Variants in PTPN12 observed in about 807,000 individuals in gnomAD.
PTPN12 encodes protein tyrosine phosphatase non-receptor type 12.
Under a neutral mutation model 97.6 loss-of-function variants are expected in PTPN12, and 29 were observed. The observed-to-expected ratio is 0.30, with a 90% CI of 0.22 to 0.41. The LOEUF (loss-of-function observed/expected upper bound fraction) is 0.41, where lower values mean the gene tolerates loss of function less well. Among genes scored for constraint, PTPN12 ranks in the 10% least tolerant of loss-of-function variants. The pLI, the probability that PTPN12 is intolerant of heterozygous loss-of-function variation, is 1.00. For missense variants in PTPN12, 819 were observed against 926.0 expected (o/e 0.88, Z 1.50); for synonymous variants, 327 against 300.4 (o/e 1.09, Z -0.91).
At chr7:77,558,116 C>CA (rs1306914681) in intron 1 of PTPN12, among the ~76,000 whole-genome samples, 1 of 148,318 alleles carries the variant, frequency 6.7e-6, no homozygotes, top group Non-Finnish European at 1.5e-5. Context: ...GAGGCTGAGG[C>CA]AGGAGAATCG....
chr7:77,598,511 A>G (rs1181485902), intron 7 of PTPN12, among the ~76,000 whole-genome samples: 2 of 152,032 alleles, frequency 1.3e-5, no homozygotes, highest in African/African-American at 2.4e-5. Context: ...GCGAAGCCCC[A>G]TCTCTACTAA....
intron 1 of PTPN12, among the ~76,000 whole-genome samples, chr7:77,557,029 C>T (rs1807750778): frequency 6.6e-6 from 1 of 151,956 alleles, no homozygotes; most frequent in Non-Finnish European, 1.5e-5. Flanking sequence ...TGCAACGGCA[C>T]AGCCTTGGCA....
chr7:77,613,325 C>A (rs1442068130), intron 11 of PTPN12, among the ~76,000 whole-genome samples: 1 of 150,536 alleles, frequency 6.6e-6, no homozygotes, highest in Non-Finnish European at 1.5e-5. Context: ...CAGGCGCCCA[C>A]CACCATGCTC....
intron 14 of PTPN12, among the ~76,000 whole-genome samples, chr7:77,635,329 TGA>T (rs1294527469): frequency 1.3e-5 from 2 of 152,098 alleles, no homozygotes; most frequent in Non-Finnish European, 2.9e-5. Context: ...CTCAAGAAGC[TGA>T]GATGGGAAGA....
At chr7:77,548,296 T>G (rs2151298398) in intron 1 of PTPN12, among the ~76,000 whole-genome samples, 2 of 152,340 alleles carry the variant, frequency 1.3e-5, no homozygotes, top group South Asian at 4.1e-4. Flanking sequence ...CTCAGCGAAT[T>G]GAGTTTTCCA....
intron 6 of PTPN12, among the ~76,000 whole-genome samples, chr7:77,595,163 C>T (rs1490797173): frequency 1.3e-5 from 2 of 152,070 alleles, no homozygotes; most frequent in East Asian, 1.9e-4. Context: ...AATTTGTCAG[C>T]GTCAGGATTG....
At chr7:77,625,806 T>C (rs1562759358) in intron 12 of PTPN12, among the ~76,000 whole-genome samples, 1 of 151,654 alleles carries the variant, frequency 6.6e-6, no homozygotes, top group Non-Finnish European at 1.5e-5. Flanking sequence ...CTGAGCTCAA[T>C]TGATCCACCC....
chr7:77,594,961 A>G (rs1787978847), intron 6 of PTPN12, among the ~76,000 whole-genome samples: 1 of 152,238 alleles, frequency 6.6e-6, no homozygotes, highest in South Asian at 2.1e-4. Flanking sequence ...GCAGAATGCA[A>G]TAGTTTATAA....
At chr7:77,565,774 A>G (rs980809676) in intron 1 of PTPN12, among the ~76,000 whole-genome samples, 2 of 152,260 alleles carry the variant, frequency 1.3e-5, no homozygotes, top group Non-Finnish European at 2.9e-5. Context: ...CAAAGTGAAT[A>G]TTAAACTCGA....
intron 1 of PTPN12, chr7:77,538,183 G>T (rs1806757610): frequency 2.5e-6 from 2 of 811,002 alleles, no homozygotes; most frequent in South Asian, 1.1e-4. Context: ...CCGTTTCTGG[G>T]GTCGCAGTCA....
Position 77,639,559 on chromosome 7 carries a change from A to G in PTPN12, c.*279A>G, listed in dbSNP as rs1789725609. ...TAATATAGTAATACCTTTATGATAT[A>G]TTGAGTTTAAGGACTACTCTTTTTC... On this transcript the variant is annotated 3_prime_UTR_variant, in exon 18 of 18. Coordinates refer to ENST00000248594, the MANE Select transcript of PTPN12 (RefSeq NM_002835.4). 3.0e-6 allele frequency: 1 copy of G among 330,846 alleles called. No individual in the cohort carries two copies. The highest frequency in any genetic ancestry group is 2.1e-5 in the African/African-American group (1 of 47,378). 20.5% of individuals were successfully genotyped at this position (330,846 alleles called of 1,614,324 possible).
Position 77,564,746 on chromosome 7 carries a change from GTTTTTTTTTTTTTTTTT to G in PTPN12, c.100-6318_100-6302del, listed in dbSNP as rs764476553. ...TTTTGTTGTTGTTTTTTGTTGTCGT[GTTTTTTTTTTTTTTTTT>G]TTTTTTTTTTTTTGAGACGGAATCT... is the stretch of plus-strand genomic sequence containing the variant. On this transcript the variant is annotated intron_variant, in intron 1 of 17. Coordinates refer to ENST00000248594, the MANE Select transcript of PTPN12 (RefSeq NM_002835.4). Among the ~76,000 whole-genome samples the G allele has an allele frequency of 1.3e-4, 6 of 45,370 alleles. No homozygotes were observed. In the East Asian group the frequency reaches 2.4e-3, roughly 18 times the overall value. The allele number at this position is 45,370 out of a possible 152,430, so 29.8% of individuals were successfully genotyped here.
At chr7:77,548,445 G>T (rs1341038208) in intron 1 of PTPN12, among the ~76,000 whole-genome samples, 1 of 152,156 alleles carries the variant, frequency 6.6e-6, no homozygotes, top group East Asian at 1.9e-4. Flanking sequence ...GTGTATGTTG[G>T]TTTTACTCCT....
chr7:77,613,750 AT>A (rs900555121), intron 11 of PTPN12, among the ~76,000 whole-genome samples: 2 of 151,358 alleles, frequency 1.3e-5, no homozygotes, highest in African/African-American at 4.9e-5. Context: ...TGCCGAGTTT[AT>A]TTTTTTTATA....
intron 9 of PTPN12, among the ~76,000 whole-genome samples, chr7:77,609,550 A>G (rs2151375058): frequency 6.6e-6 from 1 of 151,056 alleles, no homozygotes; most frequent in South Asian, 2.2e-4. Context: ...GATTACAGAC[A>G]TGAGCCACTG....
intron 1 of PTPN12, among the ~76,000 whole-genome samples, chr7:77,562,958 CAA>C (rs10650218): frequency 5.3e-5 from 7 of 133,184 alleles, no homozygotes; most frequent in African/African-American, 2.7e-5. Context: ...CTAGGCTATG[CAA>C]AAAAAAAAAA....
intron 1 of PTPN12, among the ~76,000 whole-genome samples, chr7:77,550,130 C>T (rs993313724): frequency 6.6e-6 from 1 of 152,064 alleles, no homozygotes; most frequent in Non-Finnish European, 1.5e-5. Flanking sequence ...TTTGTGCCTC[C>T]CTTTGAAATT....
intron 5 of PTPN12, among the ~76,000 whole-genome samples, chr7:77,591,883 T>A (rs914686061): frequency 5.3e-5 from 8 of 152,210 alleles, no homozygotes; most frequent in African/African-American, 1.9e-4. Context: ...GACACTTTTT[T>A]AAAATTAGTT....
intron 5 of PTPN12, 63 bp from the exon 6 acceptor site, chr7:77,592,122 A>G (rs1260262631): frequency 2.1e-6 from 3 of 1,411,170 alleles, no homozygotes; most frequent in Non-Finnish European, 3.0e-6. Context: ...GACACAAAAT[A>G]TTTATAACAG....
Sources: gnomAD v4.1 joint callset for allele counts (sites outside exome capture counted in the v4.1 genomes callset) on GRCh38, gnomAD v4.1.1 for gene constraint, MANE v1.5 for transcripts, NCBI Gene and HGNC (gene_info 2026-07-23, HGNC 2026-07-21) for gene names.